The following TMOD2 variants were observed in gnomAD, a reference collection of about 807,000 sequenced individuals.
The protein encoded by TMOD2 is tropomodulin-2.
A neutral mutation model predicts 39.9 loss-of-function variants in TMOD2; 22 were observed. The observed-to-expected ratio is 0.55, with a 90% CI of 0.39 to 0.79. The LOEUF is 0.79. Ranked by LOEUF, TMOD2 falls within the 30% of genes least tolerant of loss-of-function variation. The pLI is 0.00. For missense variants in TMOD2, 386 were observed against 413.3 expected, an observed-to-expected ratio of 0.93 and a Z score of 0.57; for synonymous variants, 123 against 146.1, an observed-to-expected ratio of 0.84 and a Z score of 1.14.
At chr15:51,792,399 T>A (rs2056018542) in intron 7 of TMOD2, among the ~76,000 whole-genome samples, 1 of 152,140 alleles carries the variant, frequency 6.6e-6, no homozygotes, top group African/African-American at 2.4e-5. Flanking sequence ...ATAGGAATGC[T>A]TTTACACTGT....
intron 4 of TMOD2, among the ~76,000 whole-genome samples, chr15:51,776,603 C>T (rs889711130): frequency 1.3e-5 from 2 of 152,152 alleles, no homozygotes; most frequent in Non-Finnish European, 2.9e-5. Context: ...TCTCATTTTA[C>T]AGATGAGAAA....
At chr15:51,756,106 A>G (rs2055739792) in intron 1 of TMOD2, among the ~76,000 whole-genome samples, 1 of 152,238 alleles carries the variant, frequency 6.6e-6, no homozygotes, top group African/African-American at 2.4e-5. Context: ...CACAGGGACA[A>G]GACAACAGCG....
At chr15:51,776,661 T>C (rs2055891021) in intron 4 of TMOD2, among the ~76,000 whole-genome samples, 1 of 152,186 alleles carries the variant, frequency 6.6e-6, no homozygotes, top group African/African-American at 2.4e-5. Context: ...AGATTTTCGG[T>C]AAATTGTGGC....
At chr15:51,766,161 A>G (rs1263158359) in intron 1 of TMOD2, among the ~76,000 whole-genome samples, 1 of 152,224 alleles carries the variant, frequency 6.6e-6, no homozygotes, top group African/African-American at 2.4e-5. Flanking sequence ...GGGCTTCCTC[A>G]CAGGATTGTT....
chr15:51,793,996 G>T (rs1207355536), intron 7 of TMOD2, among the ~76,000 whole-genome samples: 1 of 152,182 alleles, frequency 6.6e-6, no homozygotes, highest in Admixed American at 6.5e-5. Flanking sequence ...CCAAATTGTT[G>T]AGCTTTCTTT....
intron 1 of TMOD2, among the ~76,000 whole-genome samples, chr15:51,759,369 G>A (rs2055763655): frequency 6.6e-6 from 1 of 152,018 alleles, no homozygotes; most frequent in African/African-American, 2.4e-5. Flanking sequence ...AAAAAGTCTA[G>A]GATGAAGATA....
chr15:51,766,214 G>A (rs2055815447), intron 1 of TMOD2, among the ~76,000 whole-genome samples, 159 bp from the exon 2 acceptor site: 1 of 152,220 alleles, frequency 6.6e-6, no homozygotes. Context: ...CACTTTGTAA[G>A]CTGTCAGGTT....
rs1351730781 is a variant in TMOD2 at position 51,768,262 on chromosome 15, AGT to A, written c.129_130del (p.Ala44HisfsTer21). ...ENVLDDLDPESAMLPAGFRQK... is the reference protein window; with the variant it reads ...ENVLDDLDPEXAMLPAGFRQK... Reference sequence around the variant, plus strand: ...CCTGCTCACACCTCTTTCTTGTCAGAGTGCCATGCTGCCAGCTGGATTTCGAC... The same window carrying A: ...CCTGCTCACACCTCTTTCTTGTCAGAGCCATGCTGCCAGCTGGATTTCGAC... On this transcript the variant is annotated frameshift_variant and splice_region_variant, in exon 3 of 10. Transcript: ENST00000249700. LOFTEE classifies it high-confidence loss of function. The A allele has an allele frequency of 6.2e-7, 1 of 1,614,078 alleles. No homozygotes were observed. Among genetic ancestry groups the A allele is most frequent in the Admixed American group, 1.7e-5 (1 of 60,014 alleles).
chr15:51,781,409 A>G (rs905128625), intron 6 of TMOD2, among the ~76,000 whole-genome samples: 1 of 152,276 alleles, frequency 6.6e-6, no homozygotes, highest in Admixed American at 6.5e-5. Context: ...TCTATTGCTG[A>G]GTAACAAATT....
chr15:51,787,281 G>A (rs913995601), intron 7 of TMOD2, among the ~76,000 whole-genome samples: 5 of 152,212 alleles, frequency 3.3e-5, no homozygotes, highest in Non-Finnish European at 5.9e-5. Flanking sequence ...GCGGGGGGAG[G>A]GGCATCTGCC....
At chr15:51,784,699 G>T (rs1488840989) in intron 7 of TMOD2, 1 of 152,196 alleles carries the variant, frequency 6.6e-6, no homozygotes, top group Non-Finnish European at 1.5e-5. Flanking sequence ...AAGGTGAAAT[G>T]AGCAGTTTAA....
At chr15:51,761,302 A>AG (rs563534105) in intron 1 of TMOD2, among the ~76,000 whole-genome samples, 304 of 152,338 alleles carry the variant, frequency 2.0e-3, no homozygotes, top group Non-Finnish European at 3.7e-3. Context: ...GGCTGGACTC[A>AG]GAAAAAAAAG....
chr15:51,808,348 T>C (rs1467796056), intron 9 of TMOD2, 72 bp from the exon 10 acceptor site: 3 of 1,244,140 alleles, frequency 2.4e-6, no homozygotes, highest in Non-Finnish European at 3.5e-6. Flanking sequence ...TCTTATGTGA[T>C]TAATGTTGTT....
chr15:51,796,666 T>C (rs914544793), intron 7 of TMOD2, among the ~76,000 whole-genome samples: 3 of 152,214 alleles, frequency 2.0e-5, no homozygotes, highest in African/African-American at 7.2e-5. Flanking sequence ...TAACTAATAA[T>C]AGAACAATTA....
At chr15:51,787,206 C>G (rs988009127) in intron 7 of TMOD2, among the ~76,000 whole-genome samples, 8 of 152,248 alleles carry the variant, frequency 5.3e-5, no homozygotes, top group Non-Finnish European at 1.0e-4. Context: ...GTCCCACGCC[C>G]ACAGAGCCTT....
intron 7 of TMOD2, among the ~76,000 whole-genome samples, chr15:51,794,280 C>T (rs2056032629): frequency 6.6e-6 from 1 of 152,228 alleles, no homozygotes; most frequent in African/African-American, 2.4e-5. Context: ...CTGTTCTCAT[C>T]CAATATTGGG....
In TMOD2 at chr15:51,808,635, C is replaced by A; in HGVS notation, c.*181C>A. On this transcript the variant is annotated 3_prime_UTR_variant, in exon 10 of 10. Coordinates refer to ENST00000249700, the MANE Select transcript of TMOD2 (RefSeq NM_014548.4). ...TTTATCTTGGATTTTGTAATATATG[C>A]AATTGTTTTATTTGCTCATGGGCAC... The A allele has an allele frequency of 2.3e-6, 1 of 441,288 alleles. No homozygotes were observed. Among genetic ancestry groups the A allele is most frequent in the East Asian group, 3.5e-5 (1 of 28,222 alleles). 27.3% of individuals were successfully genotyped at this position (441,288 alleles called of 1,614,324 possible).
At chr15:51,795,434 A>G (rs2056041455) in intron 7 of TMOD2, among the ~76,000 whole-genome samples, 1 of 151,450 alleles carries the variant, frequency 6.6e-6, no homozygotes, top group Non-Finnish European at 1.5e-5. Flanking sequence ...GTCTCAAAAA[A>G]AAAAAAAAAA....
intron 4 of TMOD2, 104 bp from the exon 5 acceptor site, chr15:51,776,828 T>A: frequency 1.1e-6 from 1 of 924,014 alleles, no homozygotes; most frequent in Non-Finnish European, 1.8e-6. Context: ...ACTCAGGGAC[T>A]TATCTTTATG....
Sources: gnomAD v4.1 joint callset for allele counts (sites outside exome capture counted in the v4.1 genomes callset) on GRCh38, gnomAD v4.1.1 for gene constraint, MANE v1.5 for transcripts, NCBI Gene and HGNC (gene_info 2026-07-23, HGNC 2026-07-21) for gene names.